Variants in GNL3 observed in about 807,000 individuals in gnomAD.
GNL3 encodes the protein G protein nucleolar 3, also known as guanine nucleotide-binding protein-like 3.
A neutral mutation model predicts 70.6 loss-of-function variants in GNL3; 77 were observed. The observed-to-expected ratio is 1.09, with a 90% CI of 0.91 to 1.32. The LOEUF (loss-of-function observed/expected upper bound fraction) is 1.32. Ranked by LOEUF, GNL3 falls within the 40% of genes most tolerant of loss-of-function variation. The probability of loss-of-function intolerance (pLI) is 0.00; values close to 1 mark genes in which losing one functional copy is unlikely to be tolerated. For missense variants in GNL3, 634 were observed against 644.0 expected, an observed-to-expected ratio of 0.98 and a Z score of 0.17; for synonymous variants, 252 against 216.1, an observed-to-expected ratio of 1.17 and a Z score of -1.46.
chr3:52,693,405 CA>C lies in GNL3; in HGVS notation c.1188-2del. 1 of 1,613,962 alleles carries C rather than the reference CA, an allele frequency of 6.2e-7. No homozygotes were observed. The highest frequency in any genetic ancestry group is 1.1e-5 in the South Asian group (1 of 91,064). On this transcript the variant is annotated splice_acceptor_variant, in intron 11 of 14. Transcript: ENST00000418458. LOFTEE classifies it high-confidence loss of function. ...TTTTGACACATCTTATTTTTAATATCAGTGCCTCATTAGCTTACTATTGCCA... is the reference window on the plus strand; with the variant it reads ...TTTTGACACATCTTATTTTTAATATCGTGCCTCATTAGCTTACTATTGCCA...
Position 52,686,172 on chromosome 3 carries a change from C to G in GNL3, c.13+67C>G. ...GGAAGTTGCTGCAGCCACCACGACG[C>G]TCTTCTACGGCTACGGCTTTGTCTC... On this transcript the variant is annotated intron_variant, in intron 1 of 14. Coordinates refer to ENST00000418458, the MANE Select transcript of GNL3 (RefSeq NM_014366.5). The G allele has an allele frequency of 1.9e-6, 3 of 1,555,512 alleles. No individual in the cohort carries two copies. The South Asian group carries it at 3.3e-5, about 17-fold the overall frequency.
Position 52,686,771 on chromosome 3 carries a change from T to C in GNL3, c.16T>C (p.Leu6=), listed in dbSNP as rs779740088. 4.4e-6 allele frequency: 7 copies of C among 1,608,684 alleles called. No homozygotes were observed. The South Asian group carries it at 7.7e-5, about 18-fold the overall frequency. Residue 6 remains leucine, a splice_region_variant and synonymous_variant, in exon 2 of 15, where the codon TTA becomes CTA. Transcript: ENST00000418458. MKRPK[L]KKASKRMTCH... is the part of the protein sequence containing the mutation. ...ATTTGTGATGTGTTTCTTTGTAGAG[T>C]TAAAGAAAGCAAGTAAACGCATGAC...
At chr3:52,686,977 G>T (rs1269574136) in intron 2 of GNL3, 150 bp downstream of exon 2, 2 of 645,808 alleles carry the variant, frequency 3.1e-6, no homozygotes, top group Admixed American at 2.9e-5. Flanking sequence ...TAGGCATCAG[G>T]AGTGCAGCTG....
intron 13 of GNL3, 105 bp downstream of exon 13, chr3:52,693,912 A>C: frequency 1.5e-6 from 2 of 1,314,896 alleles, no homozygotes; most frequent in Non-Finnish European, 2.2e-6. Context: ...GTGATCCATT[A>C]GCCTTAATTT....
intron 9 of GNL3, among the ~76,000 whole-genome samples, chr3:52,691,901 A>G (rs550640735): frequency 2.9e-4 from 44 of 152,118 alleles, no homozygotes; most frequent in African/African-American, 9.9e-4. Flanking sequence ...GGGTTTCTCC[A>G]TGTTGGTTAG....
rs2097326303 is a variant in GNL3 at position 52,690,585 on chromosome 3, C to T, written c.542-7C>T. ...GCCGCAAATGTCTTATTTCTAATTG[C>T]TATCAGATCTGGTACCAAAGGAGAA... On this transcript the variant is annotated splice_polypyrimidine_tract_variant and splice_region_variant and intron_variant, in intron 6 of 14. Transcript: ENST00000418458. 12 of 1,504,052 alleles carry T rather than the reference C, an allele frequency of 8.0e-6. No individual in the cohort carries two copies. Among genetic ancestry groups the T allele is most frequent in the Non-Finnish European group, 1.1e-5 (12 of 1,079,940 alleles). 93.2% of individuals were successfully genotyped at this position (1,504,052 alleles called of 1,614,324 possible). A position where few individuals can be genotyped will look rare whatever the true frequency, so the allele number is the denominator to read the frequency against.
intron 5 of GNL3, among the ~76,000 whole-genome samples, 188 bp downstream of exon 5, chr3:52,688,380 T>C (rs1205658139): frequency 6.6e-6 from 1 of 152,214 alleles, no homozygotes; most frequent in African/African-American, 2.4e-5. Context: ...ACATTAGTTA[T>C]CTTTCCTGAT....
chr3:52,690,766 G>A, intron 7 of GNL3, 62 bp downstream of exon 7: 1 of 1,170,368 alleles, frequency 8.5e-7, no homozygotes, highest in Non-Finnish European at 1.3e-6. Flanking sequence ...TATGATGAGT[G>A]TACAAAATCT....
At chr3:52,686,639 T>TTAG in intron 1 of GNL3, 130 bp from the exon 2 acceptor site, 2 of 677,820 alleles carry the variant, frequency 3.0e-6, no homozygotes, top group Admixed American at 5.4e-5. Context: ...TATGTTTGCA[T>TTAG]TAGGCATTTC....
At chr3:52,693,866 A>G (rs2097329973) in intron 13 of GNL3, 59 bp downstream of exon 13, 3 of 1,450,408 alleles carry the variant, frequency 2.1e-6, no homozygotes, top group Admixed American at 3.5e-5. Context: ...ATAATACATA[A>G]TGGAAGGAAC....
rs2097325001 is a variant in GNL3 at position 52,689,216 on chromosome 3, G to T, written c.541+10G>T. 1.2e-6 allele frequency: 2 copies of T among 1,611,740 alleles called. No individual in the cohort carries two copies. The highest frequency in any genetic ancestry group is 1.3e-5 in the African/African-American group (1 of 74,884). ...ATATTAAATAAATCAGGTGAGTAAA[G>T]AGGGTACCCTTTGTCTTCTGTGTAC... On this transcript the variant is annotated intron_variant, in intron 6 of 14. Transcript: ENST00000418458.
At chr3:52,689,771 G>A (rs895858622) in intron 6 of GNL3, among the ~76,000 whole-genome samples, 6 of 152,062 alleles carry the variant, frequency 3.9e-5, no homozygotes, top group Non-Finnish European at 8.8e-5. Flanking sequence ...TGGCCAACAC[G>A]GCGAAACCCC....
At chr3:52,691,906 G>A (rs868179786) in intron 9 of GNL3, among the ~76,000 whole-genome samples, 30 of 152,052 alleles carry the variant, frequency 2.0e-4, no homozygotes. Flanking sequence ...TCTCCATGTT[G>A]GTTAGGCTGG....
In GNL3 at chr3:52,693,295, G is replaced by A. The variant is rs549419133; in HGVS notation, c.1153G>A (p.Gly385Ser). Residue 385 changes from glycine (G) to serine (S), a missense_variant, in exon 11 of 15, where the codon GGT (glycine) becomes AGT (serine). Transcript: ENST00000418458. ...HQKGGIPNVE[G>S]AAKLLWSEWT... Reference sequence around the variant, plus strand: ...AAAAGGTGGAATCCCAAATGTTGAAGGTGCTGCCAAACTGCTGTGGTCTGA... The same window carrying A: ...AAAAGGTGGAATCCCAAATGTTGAAAGTGCTGCCAAACTGCTGTGGTCTGA... 2.5e-6 allele frequency: 4 copies of A among 1,614,144 alleles called. No individual in the cohort carries two copies. Among genetic ancestry groups the A allele is most frequent in the South Asian group, 1.1e-5 (1 of 91,072 alleles).
In GNL3 at chr3:52,693,809, T is replaced by A. The variant is rs2154099809; in HGVS notation, c.1500+2T>A. ...GAAACTGTTGATGAAGAAGTTGATG[T>A]AAGTGTGTCCTCCATGAGTTAAAAC... On this transcript the variant is annotated splice_donor_variant, in intron 13 of 14. Coordinates refer to ENST00000418458, the MANE Select transcript of GNL3 (RefSeq NM_014366.5). LOFTEE classifies it high-confidence loss of function. 1 of 1,610,458 alleles carries A rather than the reference T, an allele frequency of 6.2e-7. No homozygotes were observed. Among genetic ancestry groups the A allele is most frequent in the Non-Finnish European group, 8.5e-7 (1 of 1,176,834 alleles).
rs1382660223 is a variant in GNL3 at position 52,693,264 on chromosome 3, G to T, written c.1122G>T (p.Met374Ile). 1 of 1,614,052 alleles carries T rather than the reference G, an allele frequency of 6.2e-7. No individual in the cohort carries two copies. The highest frequency in any genetic ancestry group is 1.1e-5 in the South Asian group (1 of 91,068). Residue 374 changes from methionine to isoleucine, a missense_variant, in exon 11 of 15, where the codon ATG becomes ATT. Transcript: ENST00000418458. ...CTGTGCTTGCTCAGAGAAGAGGTAT[G>T]CACCAAAAAGGTGGAATCCCAAATG... ...FFTVLAQRRG[M>I]HQKGGIPNVE...
chr3:52,692,799 C>T (rs760559686), intron 9 of GNL3, 73 bp from the exon 10 acceptor site: 2 of 1,186,916 alleles, frequency 1.7e-6, no homozygotes, highest in South Asian at 2.4e-5. Flanking sequence ...CAATCCAACC[C>T]TGAGCTTCAT....
rs763923666 is a variant in GNL3, at chr3:52,691,073, T to A, written c.781+2T>A. On this transcript the variant is annotated splice_donor_variant, in intron 8 of 14. Coordinates refer to ENST00000418458, the MANE Select transcript of GNL3 (RefSeq NM_014366.5). LOFTEE classifies it high-confidence loss of function. ...AAGCCATTCGGGTTGGAGTAATTGG[T>A]GAGTTTCAGTTCATTACTTTTTACT... 21 of 1,613,036 alleles carry A rather than the reference T, an allele frequency of 1.3e-5. No individual in the cohort carries two copies. The highest frequency in any genetic ancestry group is 3.3e-5 in the Admixed American group (2 of 59,984).
rs375232066 is a variant in GNL3 at position 52,690,972 on chromosome 3, C to T, written c.682C>T (p.Pro228Ser). 25 of 1,613,584 alleles carry T rather than the reference C, an allele frequency of 1.5e-5. No individual in the cohort carries two copies. The highest frequency in any genetic ancestry group is 2.0e-5 in the Non-Finnish European group (24 of 1,179,620). ...TGTGAAGGCAAAGAAGAATGCTGCT[C>T]CATTCAGAAGTGAAGTCTGCTTTGG... is the stretch of plus-strand genomic sequence containing the variant. ...KRVKAKKNAA[P>S]FRSEVCFGKE... The change falls in exon 8 of 15, where the codon CCA becomes TCA. Residue 228 changes from proline (P) to serine (S), a missense_variant. Coordinates refer to ENST00000418458, the MANE Select transcript of GNL3 (RefSeq NM_014366.5).
Sources: allele counts gnomAD v4.1 joint callset (sites outside exome capture counted in the v4.1 genomes callset), GRCh38; gene constraint gnomAD v4.1.1; transcripts MANE v1.5; gene names NCBI Gene and HGNC (gene_info 2026-07-23, HGNC 2026-07-21).